NPAS3: variants seen among roughly 807,000 people sequenced by gnomAD.
NPAS3 encodes neuronal PAS domain protein 3, also known as neuronal PAS domain-containing protein 3.
In NPAS3, 14 loss-of-function variants were observed where a neutral mutation model predicts 73.1. That is an observed-to-expected ratio of 0.19 (90% CI 0.13 to 0.30). NPAS3 has a LOEUF of 0.30. Ranked by LOEUF, NPAS3 falls within the 10% of genes least tolerant of loss-of-function variation. The pLI is 1.00. For synonymous variants in NPAS3, 620 were observed against 541.5 expected (o/e 1.14, Z -2.01); for missense variants, 1,096 against 1,250.0 (o/e 0.88, Z 1.86).
chr14:33,168,796 T>C (rs969796684), intron 2 of NPAS3, among the ~76,000 whole-genome samples: 1 of 152,128 alleles, frequency 6.6e-6, no homozygotes, highest in African/African-American at 2.4e-5. Flanking sequence ...TCCTGTTCTG[T>C]CCCAACCATG....
chr14:33,176,537 C>T (rs1025930281), intron 2 of NPAS3, among the ~76,000 whole-genome samples: 2 of 152,186 alleles, frequency 1.3e-5, no homozygotes, highest in African/African-American at 4.8e-5. Flanking sequence ...CGTGTTGTAG[C>T]ATGTATCAAA....
intron 2 of NPAS3, among the ~76,000 whole-genome samples, chr14:33,093,285 C>A (rs1358337280): frequency 6.6e-6 from 1 of 152,056 alleles, no homozygotes; most frequent in Non-Finnish European, 1.5e-5. Context: ...AAAAAACAAA[C>A]AACCCTATCA....
intron 3 of NPAS3, among the ~76,000 whole-genome samples, chr14:33,322,935 T>G (rs2043522764): frequency 1.3e-5 from 2 of 152,192 alleles, no homozygotes; most frequent in Admixed American, 1.3e-4. Flanking sequence ...CTGACTTACC[T>G]AATCAGAAAA....
chr14:33,487,066 G>A (rs527699354), intron 4 of NPAS3, among the ~76,000 whole-genome samples: 2 of 152,188 alleles, frequency 1.3e-5, no homozygotes, highest in African/African-American at 2.4e-5. Flanking sequence ...TAATTGGTAC[G>A]TATTTCTTAC....
intron 3 of NPAS3, among the ~76,000 whole-genome samples, chr14:33,363,396 C>T (rs1171461861): frequency 1.3e-5 from 2 of 152,134 alleles, no homozygotes; most frequent in African/African-American, 2.4e-5. Context: ...ACTGTGGTTC[C>T]CCTGTGTATC....
chr14:33,563,049 T>C (rs2139768877), intron 5 of NPAS3, among the ~76,000 whole-genome samples: 1 of 152,270 alleles, frequency 6.6e-6, no homozygotes, highest in East Asian at 1.9e-4. Context: ...CCAAATAGTT[T>C]TGTTAAATAA....
At chr14:33,579,023 CTG>C (rs2056558169) in intron 5 of NPAS3, among the ~76,000 whole-genome samples, 1 of 152,160 alleles carries the variant, frequency 6.6e-6, no homozygotes, top group Non-Finnish European at 1.5e-5. Context: ...CAAGTTATAC[CTG>C]TTTGAGCAAC....
exon 6 of NPAS3, chr14:33,676,264 G>C: frequency 6.2e-7 from 1 of 1,613,876 alleles, no homozygotes; most frequent in South Asian, 1.1e-5. Flanking sequence ...GAGATCACGT[G>C]GAGATGGCTG....
chr14:32,934,933 A>AT, upstream of NPAS3: 1 of 1,157,302 alleles, frequency 8.6e-7, no homozygotes, highest in Non-Finnish European at 1.1e-6. The surrounding 1 kb of genome is among the most constrained non-coding windows in gnomAD (Gnocchi z 4.1). Context: ...CGGCGCGGGC[A>AT]TGGGGAGGGC....
intron 4 of NPAS3, among the ~76,000 whole-genome samples, chr14:33,393,371 A>G (rs1439455168): frequency 6.6e-6 from 1 of 152,192 alleles, no homozygotes; most frequent in African/African-American, 2.4e-5. Context: ...TCGCATTTTT[A>G]TGGATGGTGT....
At chr14:33,438,124 C>A (rs1166399758) in intron 4 of NPAS3, among the ~76,000 whole-genome samples, 1 of 151,990 alleles carries the variant, frequency 6.6e-6, no homozygotes, top group Non-Finnish European at 1.5e-5. Flanking sequence ...TTTAAAAAAA[C>A]AACTGATAAT....
chr14:33,177,679 A>G (rs2045643122), intron 2 of NPAS3, among the ~76,000 whole-genome samples: 1 of 151,968 alleles, frequency 6.6e-6, no homozygotes, highest in South Asian at 2.1e-4. Context: ...CAATTTTGTA[A>G]TTGCTATGAC....
chr14:33,360,998 A>G (rs995148362), intron 3 of NPAS3, among the ~76,000 whole-genome samples: 1 of 152,170 alleles, frequency 6.6e-6, no homozygotes, highest in Non-Finnish European at 1.5e-5. Flanking sequence ...GTCAAGGGGA[A>G]GTGTGGGTTC....
At chr14:33,662,419 C>T (rs1278927827) in intron 5 of NPAS3, among the ~76,000 whole-genome samples, 3 of 152,166 alleles carry the variant, frequency 2.0e-5, no homozygotes, top group Non-Finnish European at 4.4e-5. Context: ...AAGGAAGAAG[C>T]TAGATTTAAA....
At chr14:33,341,934 T>A (rs948715739) in intron 3 of NPAS3, among the ~76,000 whole-genome samples, 6 of 152,222 alleles carry the variant, frequency 3.9e-5, no homozygotes, top group Non-Finnish European at 8.8e-5. Flanking sequence ...AGTCCTTTTT[T>A]AAAATTTCAG....
chr14:33,116,307 C>G (rs1307183795), intron 2 of NPAS3, among the ~76,000 whole-genome samples: 1 of 152,148 alleles, frequency 6.6e-6, no homozygotes, highest in African/African-American at 2.4e-5. Context: ...CATTTTATAA[C>G]AAGAGCTAGT....
At chr14:33,663,292 T>C (rs964325815) in intron 5 of NPAS3, among the ~76,000 whole-genome samples, 1 of 152,174 alleles carries the variant, frequency 6.6e-6, no homozygotes. Flanking sequence ...GGGTGTTGAA[T>C]TTTATCGAAG....
chr14:33,473,084 C>T (rs1421960622), intron 4 of NPAS3, among the ~76,000 whole-genome samples: 1 of 152,032 alleles, frequency 6.6e-6, no homozygotes, highest in Admixed American at 6.6e-5. Context: ...AGTGATTTCG[C>T]AGAGTAAAAG....
At chr14:33,744,406 T>A (rs1325415838) in intron 7 of NPAS3, among the ~76,000 whole-genome samples, 1 of 152,178 alleles carries the variant, frequency 6.6e-6, no homozygotes, top group African/African-American at 2.4e-5. Flanking sequence ...TCACCTCTTA[T>A]TTGGACCATG....
Sources: gnomAD v4.1 joint callset for allele counts (sites outside exome capture counted in the v4.1 genomes callset) on GRCh38, gnomAD v4.1.1 for gene constraint, Gnocchi (gnomAD v3.1) non-coding constraint, MANE v1.5 for transcripts, NCBI Gene and HGNC (gene_info 2026-07-23, HGNC 2026-07-21) for gene names.